The following C12orf54 variants were observed in gnomAD, a reference collection of about 807,000 sequenced individuals.
C12orf54 encodes chromosome 12 open reading frame 54, also known as uncharacterized protein C12orf54.
In C12orf54, 24 loss-of-function variants were observed where a neutral mutation model predicts 26.4. The observed-to-expected ratio is 0.91, with a 90% CI of 0.66 to 1.28. The LOEUF is 1.28. C12orf54 is among the 50% of genes most tolerant of loss of function. C12orf54 has a pLI of 0.00. For synonymous variants in C12orf54, 54 were observed against 47.0 expected (o/e 1.15, Z -0.61); for missense variants, 154 against 150.9 (o/e 1.02, Z -0.11).
chr12:48,414,555 A>C, the C12orf54 span, among the ~76,000 whole-genome samples: 214 of 152,146 alleles, frequency 1.4e-3, no homozygotes, highest in African/African-American at 4.7e-3. Flanking sequence ...CTTTACCATT[A>C]CTGGTTCAGA....
the C12orf54 span, among the ~76,000 whole-genome samples, chr12:48,458,824 G>A: frequency 6.6e-6 from 1 of 151,848 alleles, no homozygotes; most frequent in African/African-American, 2.4e-5. Context: ...GCATGCATGA[G>A]CAGTCATGGA....
At chr12:48,438,352 C>G in the C12orf54 span, among the ~76,000 whole-genome samples, 1 of 152,164 alleles carries the variant, frequency 6.6e-6, no homozygotes, top group Non-Finnish European at 1.5e-5. Flanking sequence ...AGATTCAATG[C>G]CATCCCCATC....
chr12:48,428,398 TA>T, the C12orf54 span, among the ~76,000 whole-genome samples: 1 of 150,570 alleles, frequency 6.6e-6, no homozygotes, highest in Non-Finnish European at 1.5e-5. Flanking sequence ...TTTGAAAAGA[TA>T]AATAAAAGTG....
At chr12:48,451,109 G>A in the C12orf54 span, among the ~76,000 whole-genome samples, 1 of 152,022 alleles carries the variant, frequency 6.6e-6, no homozygotes, top group East Asian at 1.9e-4. Flanking sequence ...ACCAAATCCA[G>A]CAGCACATCA....
the C12orf54 span, among the ~76,000 whole-genome samples, chr12:48,417,945 T>C: frequency 6.6e-6 from 1 of 152,182 alleles, no homozygotes; most frequent in African/African-American, 2.4e-5. Flanking sequence ...CAGTATTCCA[T>C]GGTGTATATG....
the C12orf54 span, among the ~76,000 whole-genome samples, chr12:48,451,797 C>T: frequency 6.6e-6 from 1 of 152,168 alleles, no homozygotes; most frequent in South Asian, 2.1e-4. Context: ...CAAAGGACTT[C>T]TTCAAAGAGA....
the C12orf54 span, among the ~76,000 whole-genome samples, chr12:48,474,165 T>C: frequency 6.6e-6 from 1 of 152,354 alleles, no homozygotes; most frequent in African/African-American, 2.4e-5. Context: ...CCTATCTTGT[T>C]CTGTAAAATA....
At chr12:48,414,158 C>T in the C12orf54 span, among the ~76,000 whole-genome samples, 3 of 152,222 alleles carry the variant, frequency 2.0e-5, no homozygotes, top group Admixed American at 1.3e-4. Context: ...TTGGCAGGCG[C>T]TTTCTGCTTC....
the C12orf54 span, among the ~76,000 whole-genome samples, chr12:48,432,048 A>G: frequency 6.6e-6 from 1 of 152,226 alleles, no homozygotes; most frequent in Non-Finnish European, 1.5e-5. Context: ...TCACTTATAA[A>G]TACAAATAGG....
chr12:48,426,917 G>A, the C12orf54 span, among the ~76,000 whole-genome samples: 1 of 151,994 alleles, frequency 6.6e-6, no homozygotes, highest in Non-Finnish European at 1.5e-5. Context: ...AAGAATTTTT[G>A]TACACTGATT....
chr12:48,469,910 C>G, the C12orf54 span, among the ~76,000 whole-genome samples: 1 of 152,048 alleles, frequency 6.6e-6, no homozygotes, highest in Non-Finnish European at 1.5e-5. Context: ...CCTGAATGCC[C>G]AAAGTTTCAC....
chr12:48,413,408 A>C, the C12orf54 span, among the ~76,000 whole-genome samples: 1 of 152,142 alleles, frequency 6.6e-6, no homozygotes, highest in African/African-American at 2.4e-5. Context: ...TCAACCCCAA[A>C]TCTGTGTTCT....
chr12:48,424,008 G>A, the C12orf54 span, among the ~76,000 whole-genome samples: 1 of 152,058 alleles, frequency 6.6e-6, no homozygotes, highest in Non-Finnish European at 1.5e-5. Context: ...AGTTAAGGGT[G>A]TTCTCATCTA....
the C12orf54 span, among the ~76,000 whole-genome samples, chr12:48,474,687 T>C: frequency 6.6e-6 from 1 of 152,226 alleles, no homozygotes; most frequent in African/African-American, 2.4e-5. Flanking sequence ...GCAGCAAGGC[T>C]GCGGGAGGGG....
intron 4 of C12orf54, chr12:48,488,304 G>T: frequency 1.8e-6 from 1 of 547,984 alleles, no homozygotes; most frequent in Admixed American, 2.4e-5. Context: ...TACAAGAGGG[G>T]AAGCCAACAG....
intron 6 of C12orf54, 90 bp downstream of exon 6, chr12:48,490,926 G>A: frequency 6.8e-7 from 1 of 1,473,744 alleles, no homozygotes; most frequent in Non-Finnish European, 9.5e-7. Flanking sequence ...CCATACAAAA[G>A]AAAATGGAGA....
chr12:48,486,051 A>G, intron 2 of C12orf54, 127 bp from the exon 3 acceptor site: 1 of 872,098 alleles, frequency 1.1e-6, no homozygotes, highest in South Asian at 1.6e-5. Context: ...GACCGTGGCT[A>G]CCCTTCCTGG....
At chr12:48,461,618 T>C in the C12orf54 span, among the ~76,000 whole-genome samples, 1 of 147,070 alleles carries the variant, frequency 6.8e-6, no homozygotes, top group Non-Finnish European at 1.5e-5. Context: ...GAAACTAACG[T>C]ATATCTCAAT....
the C12orf54 span, among the ~76,000 whole-genome samples, chr12:48,464,327 C>A: frequency 6.6e-6 from 1 of 152,002 alleles, no homozygotes; most frequent in Admixed American, 6.6e-5. Flanking sequence ...TTCACAATTG[C>A]CACAAAAAGA....
Sources: allele counts gnomAD v4.1 joint callset (sites outside exome capture counted in the v4.1 genomes callset), GRCh38; gene constraint gnomAD v4.1.1; transcripts MANE v1.5; gene names NCBI Gene and HGNC (gene_info 2026-07-23, HGNC 2026-07-21).